The following CNTNAP5 variants were observed in gnomAD, a reference collection of about 807,000 sequenced individuals.
CNTNAP5 encodes the protein contactin associated protein family member 5.
In CNTNAP5, 72 loss-of-function variants were observed where a neutral mutation model predicts 150.2. That is an observed-to-expected ratio of 0.48 (90% CI 0.40 to 0.58). The LOEUF (loss-of-function observed/expected upper bound fraction) is 0.58, where lower values mean the gene tolerates loss of function less well. Among genes scored for constraint, CNTNAP5 ranks in the 20% least tolerant of loss-of-function variants. CNTNAP5 has a pLI of 0.00. For synonymous variants in CNTNAP5, 672 were observed against 619.8 expected, an observed-to-expected ratio of 1.08 and a Z score of -1.25; for missense variants, 1,636 against 1,626.2, an observed-to-expected ratio of 1.01 and a Z score of -0.10.
chr2:124,320,312 C>A (rs548893874), intron 3 of CNTNAP5, among the ~76,000 whole-genome samples: 1 of 152,272 alleles, frequency 6.6e-6, no homozygotes, highest in African/African-American at 2.4e-5. Flanking sequence ...GAGCACCTGC[C>A]CACCAGCACT....
At chr2:124,506,525 T>C (rs984376851) in intron 8 of CNTNAP5, among the ~76,000 whole-genome samples, 3 of 152,142 alleles carry the variant, frequency 2.0e-5, no homozygotes, top group Non-Finnish European at 4.4e-5. Flanking sequence ...GTGGGAGACA[T>C]TCAAATGTCC....
At chr2:124,583,654 C>G (rs760335845) in intron 11 of CNTNAP5, among the ~76,000 whole-genome samples, 4 of 152,134 alleles carry the variant, frequency 2.6e-5, no homozygotes, top group Non-Finnish European at 5.9e-5. Flanking sequence ...AGGAAAGATA[C>G]TTTTGGGAGG....
intron 8 of CNTNAP5, among the ~76,000 whole-genome samples, chr2:124,507,869 C>T (rs1694451739): frequency 6.6e-6 from 1 of 152,166 alleles, no homozygotes; most frequent in Non-Finnish European, 1.5e-5. Flanking sequence ...CTCCAGAAGG[C>T]TGCCAAGGGT....
rs1474480684 is a variant in CNTNAP5 at position 124,084,922 on chromosome 2, C to CTTTTTTTTT, written c.82+59191_82+59192insTTTTTTTTT. On this transcript the variant is annotated intron_variant, in intron 1 of 23. Coordinates refer to ENST00000682447, the MANE Select transcript of CNTNAP5 (RefSeq NM_001367498.1). ...TTTAAAAATTATGAATTCAAGTTTC[C>CTTTTTTTTT]TGTTTTTTTTTTTTTTTGAGACGGA... Among the ~76,000 whole-genome samples the CTTTTTTTTT allele has an allele frequency of 2.5e-3, 46 of 18,144 alleles. 2 individuals are homozygous for CTTTTTTTTT. The highest frequency in any genetic ancestry group is 6.4e-3 in the East Asian group (3 of 472). The allele number at this position is 18,144 out of a possible 152,430, so 11.9% of individuals were successfully genotyped here. A position where few individuals can be genotyped will look rare whatever the true frequency, so the allele number is the denominator to read the frequency against.
rs185727621 is a variant in CNTNAP5 at position 124,920,439 on chromosome 2, T to C, written c.*6151T>C. Among the ~76,000 whole-genome samples, 4 of 152,252 alleles carry C rather than the reference T, an allele frequency of 2.6e-5. No homozygotes were observed. The highest frequency in any genetic ancestry group is 2.6e-4 in the Admixed American group (4 of 15,276). On this transcript the variant is annotated 3_prime_UTR_variant, in exon 24 of 24. Coordinates refer to ENST00000682447, the MANE Select transcript of CNTNAP5 (RefSeq NM_001367498.1). ...CATGAAATATTCACCTAGTCTATTC[T>C]CTTTGAAAGGTAGTATCAACCTGTG...
chr2:124,455,611 C>G (rs996016338), intron 6 of CNTNAP5, among the ~76,000 whole-genome samples: 2 of 151,938 alleles, frequency 1.3e-5, no homozygotes, highest in Admixed American at 1.3e-4. Flanking sequence ...AGGACATAAC[C>G]AAAAAGAAAA....
intron 1 of CNTNAP5, among the ~76,000 whole-genome samples, chr2:124,218,376 G>A (rs1048115682): frequency 6.6e-6 from 1 of 152,164 alleles, no homozygotes; most frequent in Non-Finnish European, 1.5e-5. Context: ...ATGTGAGACA[G>A]AAGTGACAGA....
At position 124,245,570 on chromosome 2, in the gene CNTNAP5, T is replaced by C. The variant is rs147064986; in HGVS notation, c.381+3177T>C. 3.4e-3 allele frequency among the ~76,000 whole-genome samples: 461 copies of C among 133,968 alleles called. 6 individuals are homozygous for C. The highest frequency in any genetic ancestry group is 0.023 in the Middle Eastern group (6 of 262). The allele number at this position is 133,968 out of a possible 152,430, so 87.9% of individuals were successfully genotyped here. ...GTTTATCAAGAAAATAGAGAATATA[T>C]ACATATATATCTGTGTGTGTGTGTG... is the stretch of plus-strand genomic sequence containing the variant. On this transcript the variant is annotated intron_variant, in intron 3 of 23. Transcript: ENST00000682447.
chr2:124,381,763 T>A lies in CNTNAP5; in HGVS notation c.382-35680T>A, dbSNP rs577212401. ...GTTAGACATGTGAATATGGGAGGTG[T>A]TGAGCCTATCAGTGGTAGTTACAGC... On this transcript the variant is annotated intron_variant, in intron 3 of 23. Transcript: ENST00000682447. 3.3e-5 allele frequency among the ~76,000 whole-genome samples: 5 copies of A among 152,198 alleles called. No individual in the cohort carries two copies. The South Asian group carries it at 1.0e-3, about 32-fold the overall frequency.
At chr2:124,735,858 T>G (rs1393024274) in intron 13 of CNTNAP5, among the ~76,000 whole-genome samples, 1 of 152,210 alleles carries the variant, frequency 6.6e-6, no homozygotes, top group Admixed American at 6.5e-5. Context: ...GATGTGAACC[T>G]CGTTTCGAAT....
intron 17 of CNTNAP5, 99 bp from the exon 18 acceptor site, chr2:124,789,803 A>G (rs1215190969): frequency 9.1e-7 from 1 of 1,095,566 alleles, no homozygotes. Flanking sequence ...CCTTCATGAC[A>G]ACAGAGAACT....
At chr2:124,904,392 T>G (rs1678485536) in intron 22 of CNTNAP5, among the ~76,000 whole-genome samples, 1 of 152,062 alleles carries the variant, frequency 6.6e-6, no homozygotes. Flanking sequence ...AGAGTTTGTT[T>G]CCATATCTTG....
At chr2:124,747,788 CTTTTTTT>C (rs34959025) in intron 14 of CNTNAP5, among the ~76,000 whole-genome samples, 4 of 42,438 alleles carry the variant, frequency 9.4e-5, no homozygotes, top group South Asian at 9.4e-4. Context: ...CCTAACTCTT[CTTTTTTT>C]TTTTTTTTTT....
intron 12 of CNTNAP5, among the ~76,000 whole-genome samples, chr2:124,641,164 G>A (rs1261742779): frequency 6.6e-6 from 1 of 150,858 alleles, no homozygotes; most frequent in African/African-American, 2.4e-5. Context: ...AAAAAAGGAC[G>A]GAGGAGCACC....
At chr2:124,661,663 A>G (rs934433747) in intron 13 of CNTNAP5, among the ~76,000 whole-genome samples, 1 of 152,108 alleles carries the variant, frequency 6.6e-6, no homozygotes, top group Non-Finnish European at 1.5e-5. Flanking sequence ...TATTATTATT[A>G]TAAAGTATTA....
chr2:124,609,669 G>A (rs1677336556), intron 11 of CNTNAP5, 132 bp from the exon 12 acceptor site: 1 of 943,892 alleles, frequency 1.1e-6, no homozygotes. Flanking sequence ...TTAAGGCTTG[G>A]GGAAAAAGTC....
chr2:124,650,308 A>T lies in CNTNAP5; in HGVS notation c.2077+2350A>T, dbSNP rs1013616464. On this transcript the variant is annotated intron_variant, in intron 13 of 23. Transcript: ENST00000682447. ...CTAGACACTGCTTGTGGGGCAAGAG[A>T]GTCCTCATTTACCCAGACAGTCCCG... Among the ~76,000 whole-genome samples, 4 of 152,148 alleles carry T rather than the reference A, an allele frequency of 2.6e-5. No homozygotes were observed. In the East Asian group the frequency reaches 5.8e-4, roughly 22 times the overall value.
chr2:124,872,189 A>AT (rs1159247899), intron 21 of CNTNAP5, among the ~76,000 whole-genome samples: 1 of 152,036 alleles, frequency 6.6e-6, no homozygotes, highest in Admixed American at 6.6e-5. Context: ...AAGCATGGCT[A>AT]TTAATAAAGA....
In CNTNAP5 at chr2:124,551,457, T is replaced by A. The variant is rs570265413; in HGVS notation, c.1650-11760T>A. ...GTTTCAAAAGCTTTCAGAAAAGCTA[T>A]CTGACCAAAACGAGATCAATGCGGT... On this transcript the variant is annotated intron_variant, in intron 10 of 23. Transcript: ENST00000682447. 2.6e-5 allele frequency among the ~76,000 whole-genome samples: 4 copies of A among 152,158 alleles called. No homozygotes were observed. The East Asian group carries it at 7.7e-4, about 29-fold the overall frequency.
Sources: gnomAD v4.1 joint callset for allele counts (sites outside exome capture counted in the v4.1 genomes callset) on GRCh38, gnomAD v4.1.1 for gene constraint, MANE v1.5 for transcripts, NCBI Gene and HGNC (gene_info 2026-07-23, HGNC 2026-07-21) for gene names.